Variants in NEGR1 observed in about 807,000 individuals in gnomAD.
NEGR1 encodes neuronal growth regulator 1, also known as IgLON family member 4.
NEGR1 carries 10 observed loss-of-function variants against 40.9 expected under a neutral mutation model. The ratio of observed to expected loss-of-function variants is 0.24; its 90% CI spans 0.15 to 0.42. The LOEUF (loss-of-function observed/expected upper bound fraction) is 0.42, where lower values mean the gene tolerates loss of function less well. Ranked by LOEUF, NEGR1 falls within the 10% of genes least tolerant of loss-of-function variation. The probability of loss-of-function intolerance (pLI) is 1.00; values close to 1 mark genes in which losing one functional copy is unlikely to be tolerated. For synonymous variants in NEGR1, 185 were observed against 166.8 expected (o/e 1.11, Z -0.84); for missense variants, 352 against 438.9 (o/e 0.80, Z 1.77).
chr1:71,689,363 G>C (rs1191717887), intron 4 of NEGR1, among the ~76,000 whole-genome samples: 2 of 152,136 alleles, frequency 1.3e-5, no homozygotes, highest in Non-Finnish European at 2.9e-5. Context: ...GGTGGTACCA[G>C]AGAGTGATTC....
In NEGR1 at chr1:71,981,895, A is replaced by G. The variant is rs564042103; in HGVS notation, c.177-46584T>C. Reference sequence around the variant, plus strand: ...TGAACTATTAAAAAATTTCAAATGCACATCTAGATTAGAACCATTTGGCTC... The same window carrying G: ...TGAACTATTAAAAAATTTCAAATGCGCATCTAGATTAGAACCATTTGGCTC... On this transcript the variant is annotated intron_variant, in intron 1 of 6. Coordinates refer to ENST00000357731, the MANE Select transcript of NEGR1 (RefSeq NM_173808.3). Among the ~76,000 whole-genome samples, 47 of 152,292 alleles carry G rather than the reference A, an allele frequency of 3.1e-4. No homozygotes were observed. The South Asian group carries it at 8.5e-3, about 28-fold the overall frequency.
chr1:72,236,591 C>T (rs761314406), intron 1 of NEGR1, among the ~76,000 whole-genome samples: 1 of 151,858 alleles, frequency 6.6e-6, no homozygotes, highest in Admixed American at 6.6e-5. Flanking sequence ...TTATTTTTAT[C>T]ATTTCAGTAT....
chr1:72,226,959 TC>T (rs1654210042), intron 1 of NEGR1, among the ~76,000 whole-genome samples: 1 of 152,034 alleles, frequency 6.6e-6, no homozygotes, highest in Non-Finnish European at 1.5e-5. Flanking sequence ...ACCAAGCTGA[TC>T]TCTTTCAGAA....
At chr1:71,928,538 A>G (rs1645822878) in intron 2 of NEGR1, among the ~76,000 whole-genome samples, 1 of 135,574 alleles carries the variant, frequency 7.4e-6, no homozygotes, top group African/African-American at 2.8e-5. Flanking sequence ...ATCTATACAC[A>G]TATATATACA....
At chr1:72,047,956 T>C (rs990969582) in intron 1 of NEGR1, among the ~76,000 whole-genome samples, 1 of 151,590 alleles carries the variant, frequency 6.6e-6, no homozygotes, top group Non-Finnish European at 1.5e-5. Context: ...AAACTGCTCA[T>C]CCAGGCAGAC....
chr1:72,181,239 T>C (rs1652354463), intron 1 of NEGR1, among the ~76,000 whole-genome samples: 1 of 152,140 alleles, frequency 6.6e-6, no homozygotes, highest in Non-Finnish European at 1.5e-5. Flanking sequence ...TTGCTCTTTA[T>C]CTTCAACTGT....
chr1:71,728,500 T>G (rs1654748890), intron 3 of NEGR1, among the ~76,000 whole-genome samples: 1 of 152,118 alleles, frequency 6.6e-6, no homozygotes, highest in South Asian at 2.1e-4. Context: ...TTAGAACAGT[T>G]CTATATTCTG....
chr1:72,123,665 A>G (rs990512134), intron 1 of NEGR1, among the ~76,000 whole-genome samples: 1 of 151,928 alleles, frequency 6.6e-6, no homozygotes, highest in Non-Finnish European at 1.5e-5. Context: ...AAGAAGCTTT[A>G]CCTCATTTGT....
At chr1:71,888,410 G>A (rs1010052845) in intron 2 of NEGR1, among the ~76,000 whole-genome samples, 2 of 152,034 alleles carry the variant, frequency 1.3e-5, no homozygotes, top group Admixed American at 6.5e-5. Context: ...CCTGGGAAGC[G>A]CAAGGGGTCA....
chr1:71,837,395 C>T (rs748975571), intron 2 of NEGR1, among the ~76,000 whole-genome samples: 21 of 152,048 alleles, frequency 1.4e-4, no homozygotes, highest in Admixed American at 3.3e-4. Context: ...ATATAGATCC[C>T]TCTCATTCCA....
At chr1:72,098,099 G>A (rs985909137) in intron 1 of NEGR1, among the ~76,000 whole-genome samples, 2 of 152,068 alleles carry the variant, frequency 1.3e-5, no homozygotes, top group African/African-American at 4.8e-5. Flanking sequence ...CATAGCCCCT[G>A]TCCTATAAAA....
chr1:72,038,224 C>T (rs553716866), intron 1 of NEGR1, among the ~76,000 whole-genome samples: 85 of 152,052 alleles, frequency 5.6e-4, no homozygotes, highest in Non-Finnish European at 7.7e-4. Context: ...GTTGCACATA[C>T]GATTAGGTCA....
chr1:71,851,305 C>A (rs1484005119), intron 2 of NEGR1, among the ~76,000 whole-genome samples: 1 of 152,108 alleles, frequency 6.6e-6, no homozygotes, highest in East Asian at 1.9e-4. Context: ...TTTACAAATA[C>A]ATCCTAGGTA....
intron 6 of NEGR1, among the ~76,000 whole-genome samples, chr1:71,575,843 T>G (rs2101498398): frequency 6.6e-6 from 1 of 152,180 alleles, no homozygotes; most frequent in Middle Eastern, 3.4e-3. Context: ...GCACAAAACC[T>G]TTCCCTAATG....
At chr1:71,975,750 G>A (rs1646297386) in intron 1 of NEGR1, among the ~76,000 whole-genome samples, 1 of 152,066 alleles carries the variant, frequency 6.6e-6, no homozygotes, top group East Asian at 1.9e-4. Flanking sequence ...ACTGAAGGCG[G>A]GTTCTCTGTG....
intron 2 of NEGR1, among the ~76,000 whole-genome samples, chr1:71,827,399 G>T (rs1179652060): frequency 6.6e-6 from 1 of 151,534 alleles, no homozygotes; most frequent in Non-Finnish European, 1.5e-5. Flanking sequence ...TTACCAACAA[G>T]AATCTTGTCA....
intron 6 of NEGR1, among the ~76,000 whole-genome samples, chr1:71,530,434 C>G (rs1275719056): frequency 6.6e-6 from 1 of 151,206 alleles, no homozygotes; most frequent in Non-Finnish European, 1.5e-5. Flanking sequence ...TTTTGTTTAT[C>G]ATTTATACCG....
chr1:71,527,454 T>G (rs1421479345), intron 6 of NEGR1, among the ~76,000 whole-genome samples: 1 of 151,164 alleles, frequency 6.6e-6, no homozygotes, highest in Non-Finnish European at 1.5e-5. Flanking sequence ...CATCCATGGG[T>G]AATCAGGCAT....
At chr1:71,568,626 G>A (rs1648698229) in intron 6 of NEGR1, among the ~76,000 whole-genome samples, 1 of 151,212 alleles carries the variant, frequency 6.6e-6, no homozygotes, top group Non-Finnish European at 1.5e-5. Context: ...ATAAACACCT[G>A]AAAATAAAAA....
Sources: allele counts gnomAD v4.1 joint callset (sites outside exome capture counted in the v4.1 genomes callset), GRCh38; gene constraint gnomAD v4.1.1; transcripts MANE v1.5; gene names NCBI Gene and HGNC (gene_info 2026-07-23, HGNC 2026-07-21).